Variants in GRID1 observed in about 807,000 individuals in gnomAD.
The protein encoded by GRID1 is glutamate ionotropic receptor delta type subunit 1.
In GRID1, 28 loss-of-function variants were observed where a neutral mutation model predicts 98.0. That is an observed-to-expected ratio of 0.29 (90% CI 0.21 to 0.39). GRID1 has a LOEUF of 0.39. Among genes scored for constraint, GRID1 ranks in the 10% least tolerant of loss-of-function variants. The pLI is 1.00. For missense variants in GRID1, 1,111 were observed against 1,340.5 expected, an observed-to-expected ratio of 0.83 and a Z score of 2.67; for synonymous variants, 553 against 538.5, an observed-to-expected ratio of 1.03 and a Z score of -0.37.
intron 5 of GRID1, among the ~76,000 whole-genome samples, chr10:85,876,988 C>G (rs926048588): frequency 1.2e-4 from 18 of 152,194 alleles, no homozygotes; most frequent in Admixed American, 6.5e-4. Context: ...CCTACGCCCA[C>G]GGAGTCTCGC....
intron 8 of GRID1, among the ~76,000 whole-genome samples, chr10:85,780,118 A>C (rs1842368216): frequency 6.6e-6 from 1 of 152,188 alleles, no homozygotes; most frequent in Admixed American, 6.5e-5. Context: ...TCTACCTCGC[A>C]CCATGCTTGG....
At chr10:85,826,822 AC>A (rs1409798757) in intron 8 of GRID1, among the ~76,000 whole-genome samples, 1 of 152,148 alleles carries the variant, frequency 6.6e-6, no homozygotes, top group African/African-American at 2.4e-5. Context: ...GGGGCCTGGC[AC>A]CAAGCCTCAA....
At chr10:86,229,326 A>G (rs1362899133) in intron 2 of GRID1, among the ~76,000 whole-genome samples, 2 of 152,152 alleles carry the variant, frequency 1.3e-5, no homozygotes, top group Non-Finnish European at 2.9e-5. Context: ...AACACCAGGC[A>G]GCACTGCAAG....
chr10:85,860,317 G>A (rs1357347585), intron 6 of GRID1, among the ~76,000 whole-genome samples: 1 of 152,128 alleles, frequency 6.6e-6, no homozygotes, highest in East Asian at 1.9e-4. Context: ...TAAAATTCCA[G>A]GAACCAAAAA....
At chr10:86,215,464 T>C (rs981572777) in intron 2 of GRID1, among the ~76,000 whole-genome samples, 1 of 152,132 alleles carries the variant, frequency 6.6e-6, no homozygotes, top group Non-Finnish European at 1.5e-5. Context: ...TATTTATAGC[T>C]CTCCAGCTCC....
At chr10:85,785,744 T>A (rs1387435535) in intron 8 of GRID1, among the ~76,000 whole-genome samples, 1 of 151,810 alleles carries the variant, frequency 6.6e-6, no homozygotes, top group African/African-American at 2.4e-5. Context: ...ACCACAGCCA[T>A]CTCCACCCCC....
intron 8 of GRID1, among the ~76,000 whole-genome samples, chr10:85,820,804 A>G (rs900652746): frequency 6.6e-6 from 1 of 152,256 alleles, no homozygotes; most frequent in Non-Finnish European, 1.5e-5. Context: ...AAATGTTAAT[A>G]CATTGCTGAA....
intron 3 of GRID1, among the ~76,000 whole-genome samples, chr10:86,205,172 G>A (rs1447033487): frequency 6.6e-6 from 1 of 152,262 alleles, no homozygotes; most frequent in Non-Finnish European, 1.5e-5. Context: ...TCTTAGAGAA[G>A]AAGAGTATTT....
At chr10:86,300,661 T>C (rs1367052611) in intron 2 of GRID1, among the ~76,000 whole-genome samples, 1 of 151,926 alleles carries the variant, frequency 6.6e-6, no homozygotes, top group Non-Finnish European at 1.5e-5. Context: ...AAGACCAGCT[T>C]CTTCTAGGTC....
At chr10:85,630,229 G>A (rs1034793295) in intron 13 of GRID1, among the ~76,000 whole-genome samples, 1 of 152,158 alleles carries the variant, frequency 6.6e-6, no homozygotes, top group Admixed American at 6.5e-5. Flanking sequence ...CAAGGGTTTG[G>A]AGACAGGTGG....
intron 4 of GRID1, among the ~76,000 whole-genome samples, chr10:86,061,805 G>A (rs779279815): frequency 7.2e-5 from 11 of 152,114 alleles, no homozygotes; most frequent in African/African-American, 2.4e-4. Context: ...TCTATGTCAC[G>A]AGCCTGTTCA....
At chr10:86,012,595 C>CA (rs1332594845) in intron 4 of GRID1, among the ~76,000 whole-genome samples, 1 of 152,170 alleles carries the variant, frequency 6.6e-6, no homozygotes, top group Non-Finnish European at 1.5e-5. Context: ...GTGTCCCCCC[C>CA]AAAATTCAGG....
chr10:85,978,633 C>CT (rs1842505056), intron 4 of GRID1, among the ~76,000 whole-genome samples: 1 of 152,138 alleles, frequency 6.6e-6, no homozygotes, highest in Admixed American at 6.5e-5. Flanking sequence ...AAAGCTAACA[C>CT]TTCTTGAATG....
intron 12 of GRID1, among the ~76,000 whole-genome samples, chr10:85,660,008 T>G (rs375343159): frequency 6.6e-6 from 1 of 152,238 alleles, no homozygotes; most frequent in African/African-American, 2.4e-5. Flanking sequence ...AGGGATGATG[T>G]CCATGCCATG....
intron 8 of GRID1, among the ~76,000 whole-genome samples, chr10:85,757,634 G>C (rs755359667): frequency 3.9e-5 from 6 of 152,202 alleles, no homozygotes; most frequent in Non-Finnish European, 7.3e-5. Context: ...AGCCTACTGG[G>C]GGACACTAAA....
At chr10:85,654,396 G>T (rs1840870139) in intron 12 of GRID1, among the ~76,000 whole-genome samples, 1 of 152,178 alleles carries the variant, frequency 6.6e-6, no homozygotes, top group African/African-American at 2.4e-5. Context: ...ATGCCTGCAA[G>T]ACTTCCACTT....
chr10:86,275,317 A>G (rs375049414), intron 2 of GRID1, among the ~76,000 whole-genome samples: 49 of 152,186 alleles, frequency 3.2e-4, no homozygotes, highest in African/African-American at 1.2e-3. Flanking sequence ...TATGTTTTCT[A>G]GAGTTAACAC....
chr10:86,196,753 C>T (rs1379203067), intron 3 of GRID1, among the ~76,000 whole-genome samples: 2 of 152,204 alleles, frequency 1.3e-5, no homozygotes, highest in Admixed American at 1.3e-4. Context: ...ACACACTTGA[C>T]AAGGAGGAAG....
chr10:86,078,676 A>G (rs1843920703), intron 4 of GRID1, among the ~76,000 whole-genome samples: 1 of 152,268 alleles, frequency 6.6e-6, no homozygotes, highest in African/African-American at 2.4e-5. Flanking sequence ...CACTGTTCAA[A>G]GAACGCTTGG....
Sources: allele counts gnomAD v4.1 joint callset (sites outside exome capture counted in the v4.1 genomes callset), GRCh38; gene constraint gnomAD v4.1.1; transcripts MANE v1.5; gene names NCBI Gene and HGNC (gene_info 2026-07-23, HGNC 2026-07-21).